The following MCTP1 variants were observed in gnomAD, a reference collection of about 807,000 sequenced individuals.
MCTP1 encodes the protein multiple C2 and transmembrane domain containing 1, also known as multiple C2 and transmembrane domain-containing protein 1.
Under a neutral mutation model 120.6 loss-of-function variants are expected in MCTP1, and 69 were observed. The observed-to-expected ratio is 0.57, with a 90% CI of 0.47 to 0.70. MCTP1 has a LOEUF of 0.70. Ranked by LOEUF, MCTP1 falls within the 30% of genes least tolerant of loss-of-function variation. The pLI, the probability that MCTP1 is intolerant of heterozygous loss-of-function variation, is 0.00. For missense variants in MCTP1, 1,203 were observed against 1,248.8 expected (o/e 0.96, Z 0.55); for synonymous variants, 529 against 493.1 (o/e 1.07, Z -0.96).
intron 19 of MCTP1, among the ~76,000 whole-genome samples, chr5:94,759,072 A>G (rs1038334340): frequency 6.6e-6 from 1 of 152,208 alleles, no homozygotes; most frequent in Non-Finnish European, 1.5e-5. Flanking sequence ...TAATGAAGGC[A>G]CTGATGCAAG....
chr5:94,707,523 A>G lies in MCTP1; in HGVS notation c.2973T>C (p.Tyr991=). 1 of 1,611,898 alleles carries G rather than the reference A, an allele frequency of 6.2e-7. No individual in the cohort carries two copies. Among genetic ancestry groups the G allele is most frequent in the South Asian group, 1.1e-5 (1 of 91,008 alleles). Reference sequence around the variant, plus strand: ...AGCCAAGATTGTTTTTCTTTCTTTTATATGGGCTATGAGAAGGATCTGGTT... The same window carrying G: ...AGCCAAGATTGTTTTTCTTTCTTTTGTATGGGCTATGAGAAGGATCTGGTT... ...ELKPDPSHSP[Y]KRKKNNLG Residue 991 remains tyrosine, a synonymous_variant, in exon 23 of 23, where the codon TAT becomes TAC. Transcript: ENST00000515393.
At chr5:94,822,827 A>G (rs1036921292) in intron 17 of MCTP1, among the ~76,000 whole-genome samples, 1 of 152,016 alleles carries the variant, frequency 6.6e-6, no homozygotes, top group Non-Finnish European at 1.5e-5. Flanking sequence ...GCTTTTTTTC[A>G]TATGTTTGTT....
intron 1 of MCTP1, among the ~76,000 whole-genome samples, chr5:95,239,132 T>C (rs1755885040): frequency 6.6e-6 from 1 of 152,116 alleles, no homozygotes; most frequent in Non-Finnish European, 1.5e-5. Flanking sequence ...GAAGAAACAT[T>C]AAAAAGGCCA....
chr5:95,269,991 C>A (rs188013588), intron 1 of MCTP1, among the ~76,000 whole-genome samples: 54 of 152,018 alleles, frequency 3.6e-4, no homozygotes, highest in Admixed American at 1.9e-3. Context: ...TTTCAGGGGA[C>A]AAGAAAGCAG....
At chr5:95,215,191 G>T (rs1243143863) in intron 1 of MCTP1, among the ~76,000 whole-genome samples, 1 of 152,044 alleles carries the variant, frequency 6.6e-6, no homozygotes, top group Non-Finnish European at 1.5e-5. Context: ...CCAAGCAATA[G>T]CTAAACCTCA....
intron 2 of MCTP1, chr5:94,979,512 T>C (rs1341610883): frequency 6.6e-6 from 1 of 152,262 alleles, no homozygotes; most frequent in South Asian, 2.1e-4. Context: ...CCAAGAATGC[T>C]ACTGCTTGGC....
intron 1 of MCTP1, among the ~76,000 whole-genome samples, chr5:95,240,007 A>G (rs974874072): frequency 6.6e-6 from 1 of 152,172 alleles, no homozygotes. Flanking sequence ...AAAGGTTGGA[A>G]ATATACTATG....
At chr5:95,019,024 G>A (rs892977519) in intron 1 of MCTP1, among the ~76,000 whole-genome samples, 1 of 151,984 alleles carries the variant, frequency 6.6e-6, no homozygotes, top group African/African-American at 2.4e-5. Flanking sequence ...GTTTTCACTA[G>A]TTTTAAACAA....
chr5:95,051,765 C>T (rs1208414238), intron 1 of MCTP1, among the ~76,000 whole-genome samples: 1 of 152,066 alleles, frequency 6.6e-6, no homozygotes, highest in Non-Finnish European at 1.5e-5. Context: ...GGCCATTATT[C>T]TAAGCAAACT....
chr5:95,108,099 A>G (rs147095692), intron 1 of MCTP1, among the ~76,000 whole-genome samples: 117 of 152,342 alleles, frequency 7.7e-4, no homozygotes, highest in African/African-American at 2.5e-3. Flanking sequence ...ATTACAGTTA[A>G]GAAAGATTAA....
At chr5:94,868,724 TA>T (rs996419806) in intron 16 of MCTP1, among the ~76,000 whole-genome samples, 3 of 151,942 alleles carry the variant, frequency 2.0e-5, no homozygotes, top group African/African-American at 7.2e-5. Context: ...TCTAACAGAC[TA>T]AAATTTTTTT....
At chr5:94,904,463 T>C in intron 10 of MCTP1, among the ~76,000 whole-genome samples, 1 of 152,194 alleles carries the variant, frequency 6.6e-6, no homozygotes, top group East Asian at 1.9e-4. Context: ...TTATGGTAAA[T>C]TTACTTTTGT....
chr5:94,998,820 A>C (rs1268542594), intron 2 of MCTP1, among the ~76,000 whole-genome samples: 1 of 152,188 alleles, frequency 6.6e-6, no homozygotes, highest in African/African-American at 2.4e-5. Flanking sequence ...ATGTTAACTC[A>C]CTGAGTGAGT....
intron 12 of MCTP1, among the ~76,000 whole-genome samples, chr5:94,883,781 ACTT>A (rs1800641705): frequency 6.6e-6 from 1 of 152,176 alleles, no homozygotes. Context: ...CAACTTAGCA[ACTT>A]CTTCCAATTG....
intron 2 of MCTP1, among the ~76,000 whole-genome samples, chr5:94,972,861 T>C (rs1344154605): frequency 1.3e-5 from 2 of 151,786 alleles, no homozygotes; most frequent in African/African-American, 4.8e-5. Context: ...AACCAGCTTT[T>C]CCCATAGCCT....
chr5:94,806,826 C>G (rs1002299187), intron 17 of MCTP1, among the ~76,000 whole-genome samples: 8 of 152,154 alleles, frequency 5.3e-5, no homozygotes, highest in Non-Finnish European at 8.8e-5. Context: ...GAGTATTTTT[C>G]TTTCTAATTA....
chr5:95,169,753 A>AT (rs1183026075), intron 1 of MCTP1, among the ~76,000 whole-genome samples: 1 of 151,980 alleles, frequency 6.6e-6, no homozygotes, highest in Non-Finnish European at 1.5e-5. Flanking sequence ...CCCCTTTATC[A>AT]TTTTTTATTG....
chr5:95,022,003 T>C (rs563617990), intron 1 of MCTP1, among the ~76,000 whole-genome samples: 3 of 152,192 alleles, frequency 2.0e-5, no homozygotes, highest in Non-Finnish European at 4.4e-5. Context: ...ACAGAATTTT[T>C]GGTTGATAGA....
chr5:95,097,263 G>A (rs1756342068), intron 1 of MCTP1, among the ~76,000 whole-genome samples: 1 of 152,084 alleles, frequency 6.6e-6, no homozygotes, highest in African/African-American at 2.4e-5. Context: ...AATAAGATAG[G>A]TTAATGTGAT....
Sources: gnomAD v4.1 joint callset for allele counts (sites outside exome capture counted in the v4.1 genomes callset) on GRCh38, gnomAD v4.1.1 for gene constraint, MANE v1.5 for transcripts, NCBI Gene and HGNC (gene_info 2026-07-23, HGNC 2026-07-21) for gene names.